The following DYSF variants were observed in gnomAD, a reference collection of about 807,000 sequenced individuals.
The protein encoded by DYSF is dystrophy-associated fer-1-like 1.
A neutral mutation model predicts 274.9 loss-of-function variants in DYSF; 212 were observed. The ratio of observed to expected loss-of-function variants is 0.77; its 90% CI spans 0.69 to 0.86. The LOEUF (loss-of-function observed/expected upper bound fraction) is 0.86, where lower values mean the gene tolerates loss of function less well. Among genes scored for constraint, DYSF ranks in the 40% least tolerant of loss-of-function variants. The pLI is 0.00. For missense variants in DYSF, 2,666 were observed against 2,783.2 expected (o/e 0.96, Z 0.95); for synonymous variants, 1,091 against 1,078.7 (o/e 1.01, Z -0.22).
chr2:71,578,744 C>T (rs1056087339), intron 30 of DYSF, among the ~76,000 whole-genome samples: 9 of 152,096 alleles, frequency 5.9e-5, no homozygotes, highest in Admixed American at 3.9e-4. Context: ...TTCCCTGACC[C>T]AACACGTCCA....
At chr2:71,672,035 G>A (rs536176550) in intron 51 of DYSF, among the ~76,000 whole-genome samples, 1 of 152,278 alleles carries the variant, frequency 6.6e-6, no homozygotes, top group Admixed American at 6.5e-5. Context: ...AGGCCAGAGG[G>A]GAAGGGACGT....
chr2:71,672,393 C>T (rs1206340964), intron 51 of DYSF, among the ~76,000 whole-genome samples: 5 of 152,300 alleles, frequency 3.3e-5, no homozygotes, highest in East Asian at 3.9e-4. Context: ...AGCCCTCTGC[C>T]GTGGGGTTCA....
intron 35 of DYSF, 76 bp from the exon 36 acceptor site, chr2:71,602,700 C>T: frequency 6.5e-7 from 1 of 1,533,334 alleles, no homozygotes; most frequent in Non-Finnish European, 8.9e-7. Context: ...CGCCTTGATA[C>T]TAATAGAGAA....
chr2:71,559,316 G>A (rs2152800476), intron 22 of DYSF, among the ~76,000 whole-genome samples: 1 of 152,296 alleles, frequency 6.6e-6, no homozygotes, highest in East Asian at 1.9e-4. Flanking sequence ...CTGGAAACCT[G>A]AGCCAGCTCT....
intron 28 of DYSF, 31 bp downstream of exon 28, chr2:71,570,365 A>T (rs754393195): frequency 6.2e-7 from 1 of 1,604,088 alleles, no homozygotes; most frequent in Non-Finnish European, 8.5e-7. Context: ...GGCGAGCCCC[A>T]TCCCCGGCAA....
chr2:71,529,351 T>C (rs1285695127), intron 14 of DYSF, among the ~76,000 whole-genome samples: 6 of 152,222 alleles, frequency 3.9e-5, no homozygotes, highest in African/African-American at 7.2e-5. Context: ...ACTCATGGCA[T>C]TGAATTTTTG....
intron 3 of DYSF, among the ~76,000 whole-genome samples, chr2:71,494,454 A>G (rs116631481): frequency 1.3e-5 from 2 of 152,164 alleles, no homozygotes; most frequent in Non-Finnish European, 2.9e-5. Flanking sequence ...AGATGGTGCA[A>G]ATATCCTGCT....
chr2:71,494,646 T>C, intron 3 of DYSF, among the ~76,000 whole-genome samples: 1 of 152,214 alleles, frequency 6.6e-6, no homozygotes, highest in Admixed American at 6.5e-5. Context: ...CACCACGCAT[T>C]GATCCCTACC....
chr2:71,592,305 C>T (rs1422592505), intron 32 of DYSF, among the ~76,000 whole-genome samples: 7 of 152,216 alleles, frequency 4.6e-5, no homozygotes, highest in Admixed American at 2.6e-4. Flanking sequence ...TCTGCGGAGA[C>T]GTCACACTTT....
In DYSF at chr2:71,482,002, T is replaced by C. The variant is rs760422157; in HGVS notation, c.239+32T>C. ...TGGCCAGAGGGGGGTGCTCCATGGC[T>C]TGAAGGTGCAGGTAGGATTGTGGAG... On this transcript the variant is annotated intron_variant, in intron 3 of 55. Coordinates refer to ENST00000410020, the MANE Select transcript of DYSF (RefSeq NM_001130987.2). 3 of 1,572,396 alleles carry C rather than the reference T, an allele frequency of 1.9e-6. No individual in the cohort carries two copies. In the South Asian group the frequency reaches 3.3e-5, roughly 17 times the overall value.
chr2:71,572,356 G>T (rs898130426), intron 29 of DYSF, among the ~76,000 whole-genome samples: 1 of 151,398 alleles, frequency 6.6e-6, no homozygotes, highest in Non-Finnish European at 1.5e-5. Context: ...ACCCAGCACA[G>T]ATCACACCCA....
At chr2:71,661,313 C>T (rs1351033698) in intron 45 of DYSF, among the ~76,000 whole-genome samples, 1 of 151,838 alleles carries the variant, frequency 6.6e-6, no homozygotes, top group East Asian at 1.9e-4. Context: ...ACTCAATTTC[C>T]CCCACTGGTA....
intron 41 of DYSF, among the ~76,000 whole-genome samples, chr2:71,622,982 A>T (rs2094137802): frequency 6.6e-6 from 1 of 152,212 alleles, no homozygotes; most frequent in Non-Finnish European, 1.5e-5. Flanking sequence ...GTCATTTGGC[A>T]TTTATTAAGA....
intron 1 of DYSF, among the ~76,000 whole-genome samples, chr2:71,468,508 C>A (rs4274620): frequency 0.18 from 27,237 of 152,084 alleles, 2,672 homozygotes; most frequent in East Asian, 0.45. Flanking sequence ...TACTATTGCC[C>A]TCGCCCAAGT....
rs1472856723 is a variant in DYSF at position 71,528,530 on chromosome 2, C to G, written c.1380+129C>G. On this transcript the variant is annotated intron_variant, in intron 14 of 55. Coordinates refer to ENST00000410020, the MANE Select transcript of DYSF (RefSeq NM_001130987.2). ...GGTGTGTGCACAAGGAGTGGCTGATCCTGGTGCGTGGTGAGACACCCACAT... is the reference window on the plus strand; with the variant it reads ...GGTGTGTGCACAAGGAGTGGCTGATGCTGGTGCGTGGTGAGACACCCACAT... 4 of 790,148 alleles carry G rather than the reference C, an allele frequency of 5.1e-6. No individual in the cohort carries two copies. In the African/African-American group the frequency reaches 6.8e-5, roughly 13 times the overall value. The allele number at this position is 790,148 out of a possible 1,614,324, so 48.9% of individuals were successfully genotyped here.
At chr2:71,469,588 C>T (rs376262503) in intron 1 of DYSF, among the ~76,000 whole-genome samples, 1 of 152,186 alleles carries the variant, frequency 6.6e-6, no homozygotes, top group African/African-American at 2.4e-5. Flanking sequence ...CCCCACTTTC[C>T]TTGCAGTTGT....
At chr2:71,553,757 A>ACCAGGCCC in intron 20 of DYSF, 50 bp from the exon 21 acceptor site, 1 of 461,882 alleles carries the variant, frequency 2.2e-6, no homozygotes, top group Non-Finnish European at 3.4e-6. Context: ...ACCCCATCCC[A>ACCAGGCCC]CCCGCCCTCC....
chr2:71,556,452 C>T (rs2091348459), intron 22 of DYSF, among the ~76,000 whole-genome samples: 1 of 152,128 alleles, frequency 6.6e-6, no homozygotes, highest in Admixed American at 6.5e-5. Context: ...TTCTGTTTAG[C>T]TTTCTATTGA....
chr2:71,526,413 GGCGATGGCGGGC>G, intron 13 of DYSF, 67 bp downstream of exon 13: 6 of 1,354,122 alleles, frequency 4.4e-6, no homozygotes, highest in African/African-American at 1.5e-5. Flanking sequence ...GGTGGGGGTG[GGCGATGGCGGGC>G]GGGGTCAGCT....
Sources: allele counts gnomAD v4.1 joint callset (sites outside exome capture counted in the v4.1 genomes callset), GRCh38; gene constraint gnomAD v4.1.1; transcripts MANE v1.5; gene names NCBI Gene and HGNC (gene_info 2026-07-23, HGNC 2026-07-21).